Variants in SYT14 observed in about 807,000 individuals in gnomAD.
SYT14 encodes synaptotagmin 14.
A neutral mutation model predicts 74.2 loss-of-function variants in SYT14; 32 were observed. That is an observed-to-expected ratio of 0.43 (90% CI 0.33 to 0.58). The LOEUF is 0.58. SYT14 is among the 20% of genes least tolerant of loss of function. The probability of loss-of-function intolerance (pLI) is 0.05; values close to 1 mark genes in which losing one functional copy is unlikely to be tolerated. For synonymous variants in SYT14, 298 were observed against 337.7 expected (o/e 0.88, Z 1.29); for missense variants, 791 against 981.8 (o/e 0.81, Z 2.60).
At chr1:210,042,949 G>T (rs1370605537) in intron 5 of SYT14, among the ~76,000 whole-genome samples, 1 of 152,144 alleles carries the variant, frequency 6.6e-6, no homozygotes, top group African/African-American at 2.4e-5. Context: ...TGGGCAATAT[G>T]GCCATTTTCA....
At chr1:210,062,220 A>G (rs202105137) in intron 5 of SYT14, among the ~76,000 whole-genome samples, 1 of 151,966 alleles carries the variant, frequency 6.6e-6, no homozygotes, top group South Asian at 2.1e-4. Context: ...TAAGTACACG[A>G]CAGTATATGA....
intron 5 of SYT14, among the ~76,000 whole-genome samples, chr1:210,037,208 A>G (rs2080683972): frequency 6.6e-6 from 1 of 151,886 alleles, no homozygotes; most frequent in South Asian, 2.1e-4. Flanking sequence ...GTTTTCTAGT[A>G]TGTAAGTGTA....
At chr1:210,001,758 G>A (rs1413096069) in intron 2 of SYT14, among the ~76,000 whole-genome samples, 3 of 152,140 alleles carry the variant, frequency 2.0e-5, no homozygotes, top group African/African-American at 7.2e-5. Context: ...AGACTCGAAG[G>A]AGGTGAAAGA....
exon 10 of SYT14, chr1:210,161,753 G>A (rs1357782903): frequency 2.2e-6 from 1 of 453,810 alleles, no homozygotes; most frequent in Admixed American, 2.4e-5. Context: ...CACTGTACTG[G>A]TCCCTTGCAA....
intron 2 of SYT14, among the ~76,000 whole-genome samples, chr1:209,967,004 A>T (rs952483763): frequency 1.3e-5 from 2 of 148,660 alleles, no homozygotes; most frequent in African/African-American, 5.3e-5. Flanking sequence ...CTCCCTTTTT[A>T]TTCCTAGTTT....
At chr1:209,966,309 C>T (rs1433390540) in intron 2 of SYT14, among the ~76,000 whole-genome samples, 1 of 152,144 alleles carries the variant, frequency 6.6e-6, no homozygotes, top group Non-Finnish European at 1.5e-5. Context: ...TTCATTCGCT[C>T]TTCCAGACCC....
chr1:210,135,543 T>A (rs2082767660), intron 7 of SYT14, among the ~76,000 whole-genome samples: 1 of 152,228 alleles, frequency 6.6e-6, no homozygotes, highest in Non-Finnish European at 1.5e-5. Flanking sequence ...GGTCCATGTC[T>A]ACAAATTCTA....
chr1:209,991,373 A>G (rs928187238), intron 2 of SYT14, among the ~76,000 whole-genome samples: 2 of 152,182 alleles, frequency 1.3e-5, no homozygotes, highest in East Asian at 1.9e-4. Flanking sequence ...ATACTAGCCA[A>G]CTTTGCATCT....
chr1:210,021,898 A>G (rs568986763), intron 5 of SYT14, among the ~76,000 whole-genome samples: 1 of 152,280 alleles, frequency 6.6e-6, no homozygotes, highest in Admixed American at 6.5e-5. Context: ...AACTCAACCT[A>G]TATAGAAGAT....
At chr1:209,984,168 C>T (rs374292276) in intron 2 of SYT14, among the ~76,000 whole-genome samples, 26 of 152,272 alleles carry the variant, frequency 1.7e-4, no homozygotes, top group East Asian at 9.6e-4. Context: ...AATGCACAAC[C>T]GCCAATTTTT....
intron 5 of SYT14, among the ~76,000 whole-genome samples, chr1:210,055,528 A>C (rs113863171): frequency 3.1e-4 from 47 of 152,284 alleles, no homozygotes; most frequent in African/African-American, 1.1e-3. Flanking sequence ...TTAAAAATAG[A>C]ATTGTTGGCC....
chr1:210,020,877 A>G (rs1273362996), intron 4 of SYT14, among the ~76,000 whole-genome samples, 162 bp from the exon 4 acceptor site: 2 of 152,000 alleles, frequency 1.3e-5, no homozygotes, highest in African/African-American at 4.8e-5. Flanking sequence ...GTGTGTATAT[A>G]TGTGTGCATA....
chr1:210,040,869 CAAAT>C (rs1156314704), intron 5 of SYT14, among the ~76,000 whole-genome samples: 1 of 152,082 alleles, frequency 6.6e-6, no homozygotes, highest in African/African-American at 2.4e-5. Context: ...TCAATGCAAA[CAAAT>C]AAATAAATAA....
intron 5 of SYT14, among the ~76,000 whole-genome samples, chr1:210,069,606 A>C (rs2081357016): frequency 6.6e-6 from 1 of 151,898 alleles, no homozygotes; most frequent in Non-Finnish European, 1.5e-5. Flanking sequence ...GTGCTTACAC[A>C]GCTTTTAAAA....
At chr1:210,074,030 C>T (rs2081444024) in intron 5 of SYT14, among the ~76,000 whole-genome samples, 1 of 151,976 alleles carries the variant, frequency 6.6e-6, no homozygotes, top group Admixed American at 6.6e-5. Context: ...AGACTGTGTC[C>T]AAAATTAATC....
chr1:210,085,842 T>A (rs2081717617), intron 5 of SYT14, among the ~76,000 whole-genome samples: 1 of 152,164 alleles, frequency 6.6e-6, no homozygotes, highest in Admixed American at 6.5e-5. Flanking sequence ...TGGTTTATAC[T>A]TTTTCTTTCT....
At chr1:210,049,004 C>T (rs2080938466) in intron 5 of SYT14, among the ~76,000 whole-genome samples, 1 of 152,234 alleles carries the variant, frequency 6.6e-6, no homozygotes, top group Non-Finnish European at 1.5e-5. Context: ...CTCCATGTCT[C>T]GCATCTGGGT....
In SYT14 at chr1:210,021,285, GAC is replaced by G. The variant is rs2080298039; in HGVS notation, c.1312+36_1312+37del. Reference sequence around the variant, plus strand: ...ATGGGCTGTTTTATTTTTTTTACATGACACACTATAGTATTTGATTACTTGTG... The same window carrying G: ...ATGGGCTGTTTTATTTTTTTTACATGACACTATAGTATTTGATTACTTGTG... On this transcript the variant is annotated intron_variant, in intron 5 of 9. Coordinates refer to ENST00000637265, the Ensembl canonical transcript of SYT14. The G allele has an allele frequency of 1.9e-6, 3 of 1,575,736 alleles. No homozygotes were observed. The African/African-American group carries it at 4.0e-5, about 21-fold the overall frequency.
intron 5 of SYT14, among the ~76,000 whole-genome samples, chr1:210,082,737 C>T (rs2081639494): frequency 6.6e-6 from 1 of 152,160 alleles, no homozygotes; most frequent in African/African-American, 2.4e-5. Flanking sequence ...ACTGGTGTTC[C>T]TTGGTCTTCC....
Sources: allele counts gnomAD v4.1 joint callset (sites outside exome capture counted in the v4.1 genomes callset), GRCh38; gene constraint gnomAD v4.1.1; transcripts MANE v1.5; gene names NCBI Gene and HGNC (gene_info 2026-07-23, HGNC 2026-07-21).